The following MCPH1 variants were observed in gnomAD, a reference collection of about 807,000 sequenced individuals.
MCPH1 encodes the protein microcephalin.
In MCPH1, 104 loss-of-function variants were observed where a neutral mutation model predicts 84.5. The observed-to-expected ratio is 1.23, with a 90% CI of 1.05 to 1.45. The LOEUF (loss-of-function observed/expected upper bound fraction) is 1.45. MCPH1 is among the 40% of genes most tolerant of loss of function. The probability of loss-of-function intolerance (pLI) is 0.00; values close to 1 mark genes in which losing one functional copy is unlikely to be tolerated. For missense variants in MCPH1, 1,498 were observed against 1,005.7 expected, an observed-to-expected ratio of 1.49 and a Z score of -6.62; for synonymous variants, 514 against 366.8, an observed-to-expected ratio of 1.40 and a Z score of -4.58.
chr8:6,532,574 T>TTTAA, intron 12 of MCPH1: 1 of 589,544 alleles, frequency 1.7e-6, no homozygotes, highest in Non-Finnish European at 2.5e-6. Context: ...TCCCTATCTT[T>TTTAA]AAAAAAAAAA....
At chr8:6,526,257 TAAAA>T (rs35519559) in intron 12 of MCPH1, among the ~76,000 whole-genome samples, 2 of 77,458 alleles carry the variant, frequency 2.6e-5, no homozygotes, top group Admixed American at 3.7e-4. Flanking sequence ...TTGCCTCTAC[TAAAA>T]AAAAAAAAAA....
chr8:6,445,864 T>C (rs1804284635), intron 8 of MCPH1: 7 of 1,074,356 alleles, frequency 6.5e-6, no homozygotes, highest in Non-Finnish European at 7.9e-6. Context: ...CCTTATTCCA[T>C]TGGAGTCTTG....
chr8:6,407,557 A>G (rs1326980112), intron 1 of MCPH1, among the ~76,000 whole-genome samples: 1 of 152,220 alleles, frequency 6.6e-6, no homozygotes, highest in Non-Finnish European at 1.5e-5. Flanking sequence ...CCGTGAGAAA[A>G]AAGGGGCCTG....
chr8:6,414,486 A>C (rs1798975717), intron 2 of MCPH1, among the ~76,000 whole-genome samples: 1 of 152,168 alleles, frequency 6.6e-6, no homozygotes, highest in Non-Finnish European at 1.5e-5. Context: ...TCTCATGGCC[A>C]CATTTTCTCT....
chr8:6,457,504 C>A (rs896655420), intron 9 of MCPH1, among the ~76,000 whole-genome samples: 2 of 151,686 alleles, frequency 1.3e-5, no homozygotes, highest in Non-Finnish European at 2.9e-5. Context: ...GCTCAAGAGA[C>A]TGAGGTGGGA....
At chr8:6,594,658 C>T (rs1423977887) in intron 12 of MCPH1, among the ~76,000 whole-genome samples, 2 of 146,476 alleles carry the variant, frequency 1.4e-5, no homozygotes, top group African/African-American at 2.7e-5. Context: ...ACTGACGCTA[C>T]GAAGACTTCA....
intron 12 of MCPH1, among the ~76,000 whole-genome samples, chr8:6,620,749 C>G (rs547829296): frequency 6.6e-6 from 1 of 152,202 alleles, no homozygotes; most frequent in Non-Finnish European, 1.5e-5. Flanking sequence ...TTCAGAATAA[C>G]TGGGCCTTCC....
At chr8:6,638,165 A>G (rs531573465) in intron 13 of MCPH1, among the ~76,000 whole-genome samples, 1 of 152,328 alleles carries the variant, frequency 6.6e-6, no homozygotes, top group South Asian at 2.1e-4. Flanking sequence ...GACTCTAGGA[A>G]TATTTGTAAC....
intron 8 of MCPH1, among the ~76,000 whole-genome samples, chr8:6,451,202 C>T (rs1367408321): frequency 1.3e-5 from 2 of 152,230 alleles, no homozygotes; most frequent in Non-Finnish European, 2.9e-5. Context: ...GGCTGCAAAA[C>T]TAAGCAATCC....
chr8:6,520,981 T>A (rs1817228337), intron 12 of MCPH1, among the ~76,000 whole-genome samples: 1 of 152,200 alleles, frequency 6.6e-6, no homozygotes, highest in Non-Finnish European at 1.5e-5. Context: ...AAAAGTATGC[T>A]TGGGGTGTTT....
intron 9 of MCPH1, among the ~76,000 whole-genome samples, chr8:6,475,224 G>A (rs73520650): frequency 0.019 from 2,853 of 152,366 alleles, 94 homozygotes; most frequent in African/African-American, 0.064. Flanking sequence ...TACCAGTGCA[G>A]CTAATGACCC....
rs561857971 is a variant in MCPH1 at position 6,540,872 on chromosome 8, C to T, written c.2214+40943C>T. ...ACGTGGACTCAGGCGGCCACCGCCG[C>T]GCTGGCTGGTAAGAAGCCCCACAGG... On this transcript the variant is annotated intron_variant, in intron 12 of 13. Transcript: ENST00000344683. Among the ~76,000 whole-genome samples the T allele has an allele frequency of 1.3e-3, 203 of 152,372 alleles. 1 individual carries two copies. The highest frequency in any genetic ancestry group is 4.7e-3 in the African/African-American group (194 of 41,596).
chr8:6,545,746 T>C (rs1822468720), intron 12 of MCPH1, among the ~76,000 whole-genome samples: 1 of 152,250 alleles, frequency 6.6e-6, no homozygotes, highest in South Asian at 2.1e-4. Context: ...TTGTTGGATT[T>C]CAGTGGCTTC....
chr8:6,579,570 A>G (rs1827387632), intron 12 of MCPH1, among the ~76,000 whole-genome samples: 1 of 152,206 alleles, frequency 6.6e-6, no homozygotes, highest in South Asian at 2.1e-4. Context: ...GACTGTAGTT[A>G]GTATGTAGTG....
chr8:6,551,144 A>G (rs1440879833), intron 12 of MCPH1, among the ~76,000 whole-genome samples: 1 of 152,188 alleles, frequency 6.6e-6, no homozygotes, highest in East Asian at 1.9e-4. Flanking sequence ...ATCTGTGCTG[A>G]TGCTGACTTA....
chr8:6,503,490 T>C (rs1388622351), intron 12 of MCPH1, among the ~76,000 whole-genome samples: 5 of 152,164 alleles, frequency 3.3e-5, no homozygotes, highest in African/African-American at 1.2e-4. Context: ...TTCTTCCACC[T>C]TTTCCCTTGT....
At chr8:6,639,993 C>A (rs1204274529) in intron 13 of MCPH1, among the ~76,000 whole-genome samples, 4 of 151,822 alleles carry the variant, frequency 2.6e-5, no homozygotes, top group Non-Finnish European at 5.9e-5. Flanking sequence ...CCCACCTTAG[C>A]CTCCCAAGTA....
intron 9 of MCPH1, among the ~76,000 whole-genome samples, chr8:6,463,988 T>G (rs1016106480): frequency 3.3e-5 from 5 of 152,226 alleles, no homozygotes; most frequent in African/African-American, 1.2e-4. Context: ...TATTTATTTA[T>G]TTTTTCTTGA....
At position 6,408,330 on chromosome 8, in the gene MCPH1, T is replaced by C. The variant is rs190710698; in HGVS notation, c.23-949T>C. ...CTCAAGCAATTCTGCTTCAGCCTCC[T>C]GAGTAACTTGGGACTACAGGCACTA... On this transcript the variant is annotated intron_variant, in intron 1 of 13. Coordinates refer to ENST00000344683, the MANE Select transcript of MCPH1 (RefSeq NM_024596.5). Among the ~76,000 whole-genome samples the C allele has an allele frequency of 2.5e-4, 38 of 152,246 alleles. 1 individual carries two copies. The highest frequency in any genetic ancestry group is 2.1e-3 in the Admixed American group (32 of 15,298).
Sources: allele counts gnomAD v4.1 joint callset (sites outside exome capture counted in the v4.1 genomes callset), GRCh38; gene constraint gnomAD v4.1.1; transcripts MANE v1.5; gene names NCBI Gene and HGNC (gene_info 2026-07-23, HGNC 2026-07-21).